The following PPFIA2 variants were observed in gnomAD, a reference collection of about 807,000 sequenced individuals.
PPFIA2 encodes the protein liprin-alpha-2.
Under a neutral mutation model 175.5 loss-of-function variants are expected in PPFIA2, and 46 were observed. The observed-to-expected ratio is 0.26, with a 90% confidence interval of 0.21 to 0.34. PPFIA2 has a LOEUF of 0.34. Ranked by LOEUF, PPFIA2 falls within the 10% of genes least tolerant of loss-of-function variation. PPFIA2 has a pLI of 1.00. For synonymous variants in PPFIA2, 568 were observed against 511.4 expected, an observed-to-expected ratio of 1.11 and a Z score of -1.49; for missense variants, 1,179 against 1,506.1, an observed-to-expected ratio of 0.78 and a Z score of 3.60.
At chr12:81,603,727 T>G (rs767309013) in intron 4 of PPFIA2, among the ~76,000 whole-genome samples, 5 of 150,790 alleles carry the variant, frequency 3.3e-5, no homozygotes, top group Admixed American at 2.0e-4. Flanking sequence ...AGCCATACAC[T>G]GTCATTTGGC....
chr12:81,456,561 T>A (rs1332399786), intron 5 of PPFIA2, among the ~76,000 whole-genome samples: 3 of 152,208 alleles, frequency 2.0e-5, no homozygotes, highest in African/African-American at 7.2e-5. Flanking sequence ...GGCCATTAGC[T>A]ATACCTATTT....
At chr12:81,375,720 C>T (rs1224114254) in intron 10 of PPFIA2, 76 bp downstream of exon 10, 2 of 1,410,512 alleles carry the variant, frequency 1.4e-6, no homozygotes, top group East Asian at 2.4e-5. Context: ...AAGAAGTACC[C>T]TATTTTATTT....
chr12:81,605,523 T>C (rs1237539915), intron 4 of PPFIA2, among the ~76,000 whole-genome samples: 2 of 151,866 alleles, frequency 1.3e-5, no homozygotes, highest in Non-Finnish European at 2.9e-5. Flanking sequence ...TTAAAATTCA[T>C]GCCATATGGA....
intron 4 of PPFIA2, among the ~76,000 whole-genome samples, chr12:81,488,989 T>C (rs2059144689): frequency 6.6e-6 from 1 of 151,898 alleles, no homozygotes; most frequent in Non-Finnish European, 1.5e-5. Context: ...CATAAACAAG[T>C]ATCTGTCCTA....
At chr12:81,301,786 A>T (rs2047916585) in intron 22 of PPFIA2, among the ~76,000 whole-genome samples, 1 of 152,090 alleles carries the variant, frequency 6.6e-6, no homozygotes, top group Non-Finnish European at 1.5e-5. Context: ...CTACATGGCT[A>T]ACTCTCTCAG....
chr12:81,692,109 G>C lies in PPFIA2; in HGVS notation c.250-15265C>G, dbSNP rs12305482. Reference sequence around the variant, plus strand: ...ACACACACACACATACACAAACACAGACACACACACACACACACACACACA... The same window carrying C: ...ACACACACACACATACACAAACACACACACACACACACACACACACACACA... On this transcript the variant is annotated intron_variant, in intron 3 of 32. Coordinates refer to ENST00000549396, the MANE Select transcript of PPFIA2 (RefSeq NM_003625.5). Among the ~76,000 whole-genome samples, 11 of 149,294 alleles carry C rather than the reference G, an allele frequency of 7.4e-5. No individual in the cohort carries two copies. In the East Asian group the frequency reaches 1.8e-3, roughly 24 times the overall value.
chr12:81,617,989 C>T (rs749870123), intron 4 of PPFIA2, among the ~76,000 whole-genome samples: 8 of 152,124 alleles, frequency 5.3e-5, no homozygotes, highest in Admixed American at 6.5e-5. Context: ...TAAAGGGATT[C>T]GTGAGTTGTG....
intron 4 of PPFIA2, among the ~76,000 whole-genome samples, chr12:81,675,828 A>G (rs2072402365): frequency 6.6e-6 from 1 of 152,094 alleles, no homozygotes; most frequent in African/African-American, 2.4e-5. Flanking sequence ...TCTGCAGCCA[A>G]TACATTTTTC....
Position 81,364,657 on chromosome 12 carries a change from G to A in PPFIA2, c.1546-1873C>T, listed in dbSNP as rs2032468822. On this transcript the variant is annotated intron_variant, in intron 14 of 32. Coordinates refer to ENST00000549396, the MANE Select transcript of PPFIA2 (RefSeq NM_003625.5). ...CATTCTAATGGCTGTGAAATAGATT[G>A]TCAAGTTGAATTGGGAGTCAGAAAA... 2.0e-5 allele frequency among the ~76,000 whole-genome samples: 3 copies of A among 151,966 alleles called. No homozygotes were observed. In the South Asian group the frequency reaches 6.2e-4, roughly 32 times the overall value.
At chr12:81,491,215 T>G (rs1032494854) in intron 4 of PPFIA2, among the ~76,000 whole-genome samples, 1 of 141,522 alleles carries the variant, frequency 7.1e-6, no homozygotes, top group Non-Finnish European at 1.5e-5. Context: ...CTTTTTTTGT[T>G]TTTTTGCTTT....
chr12:81,672,589 A>T (rs1285987962), intron 4 of PPFIA2, among the ~76,000 whole-genome samples: 2 of 152,056 alleles, frequency 1.3e-5, no homozygotes, highest in African/African-American at 4.8e-5. Context: ...CACTCTAGAA[A>T]TAAAGAGAAC....
intron 28 of PPFIA2, among the ~76,000 whole-genome samples, chr12:81,273,725 C>T (rs2039769994): frequency 6.6e-6 from 1 of 152,030 alleles, no homozygotes. Flanking sequence ...AAGAAAGGTC[C>T]TAGATCTTTC....
At chr12:81,365,273 G>A (rs1167014709) in intron 14 of PPFIA2, among the ~76,000 whole-genome samples, 1 of 151,760 alleles carries the variant, frequency 6.6e-6, no homozygotes, top group Non-Finnish European at 1.5e-5. Context: ...TTAGTTTAGT[G>A]GAAATTTGAG....
rs1593830764 is a variant in PPFIA2, at chr12:81,284,180, C to T, written c.2988+61G>A. 3.9e-6 allele frequency: 5 copies of T among 1,276,874 alleles called. No individual in the cohort carries two copies. In the East Asian group the frequency reaches 1.2e-4, roughly 31 times the overall value. 79.1% of individuals were successfully genotyped at this position (1,276,874 alleles called of 1,614,324 possible). ...TGGTCTATTGTAAACAGATTAGTTTCCTCATCCAAAGAGCAGCAAAGTCAC... is the reference window on the plus strand; with the variant it reads ...TGGTCTATTGTAAACAGATTAGTTTTCTCATCCAAAGAGCAGCAAAGTCAC... On this transcript the variant is annotated intron_variant, in intron 25 of 32. Transcript: ENST00000549396.
At position 81,604,721 on chromosome 12, in the gene PPFIA2, G is replaced by A. The variant is rs146537589; in HGVS notation, c.303+72070C>T. Among the ~76,000 whole-genome samples, 34 of 151,546 alleles carry A rather than the reference G, an allele frequency of 2.2e-4. 1 individual carries two copies. The highest frequency in any genetic ancestry group is 1.9e-3 in the East Asian group (10 of 5,166). On this transcript the variant is annotated intron_variant, in intron 4 of 32. Coordinates refer to ENST00000549396, the MANE Select transcript of PPFIA2 (RefSeq NM_003625.5). ...GGTAAATAACATACCCATTTTAATC[G>A]CTACAGACAGACCACTACCAAAAAT...
chr12:81,342,419 T>G (rs781357268), intron 19 of PPFIA2, among the ~76,000 whole-genome samples: 28 of 152,118 alleles, frequency 1.8e-4, no homozygotes, highest in Non-Finnish European at 3.5e-4. Flanking sequence ...TTTGTTTTTA[T>G]GTAAAGCTGT....
At position 81,328,762 on chromosome 12, in the gene PPFIA2, T is replaced by A. The variant is rs77042059; in HGVS notation, c.2549-2892A>T. ...GGACAGGGGACAAGGATTCTAAACA[T>A]CCTTCATTAAATAGAGAAACTGCAG... is the stretch of plus-strand genomic sequence containing the variant. On this transcript the variant is annotated intron_variant, in intron 21 of 32. Transcript: ENST00000549396. Among the ~76,000 whole-genome samples the A allele has an allele frequency of 1.3e-3, 205 of 151,968 alleles. 3 individuals carry two copies. In the East Asian group the frequency reaches 0.027, roughly 20 times the overall value.
At chr12:81,758,251 G>T in intron 2 of PPFIA2, 149 bp downstream of exon 2, 1 of 394,468 alleles carries the variant, frequency 2.5e-6, no homozygotes, top group South Asian at 1.8e-5. Context: ...ATAGGAGATG[G>T]AGAGGATGAG....
intron 7 of PPFIA2, among the ~76,000 whole-genome samples, chr12:81,424,140 T>A (rs1382485546): frequency 6.6e-6 from 1 of 152,092 alleles, no homozygotes; most frequent in African/African-American, 2.4e-5. Flanking sequence ...TGTTTTACAT[T>A]AATATTTAAT....
Sources: gnomAD v4.1 joint callset for allele counts (sites outside exome capture counted in the v4.1 genomes callset) on GRCh38, gnomAD v4.1.1 for gene constraint, MANE v1.5 for transcripts, NCBI Gene and HGNC (gene_info 2026-07-23, HGNC 2026-07-21) for gene names.